Variants in DNAJB6 observed in about 807,000 individuals in gnomAD.
DNAJB6 encodes DnaJ heat shock protein family (Hsp40) member B6.
In DNAJB6, 16 loss-of-function variants were observed where a neutral mutation model predicts 42.7. The ratio of observed to expected loss-of-function variants is 0.37; its 90% CI spans 0.25 to 0.57. The LOEUF is 0.57. DNAJB6 is among the 20% of genes least tolerant of loss of function. The pLI is 0.74. For synonymous variants in DNAJB6, 170 were observed against 163.5 expected, an observed-to-expected ratio of 1.04 and a Z score of -0.30; for missense variants, 347 against 416.8, an observed-to-expected ratio of 0.83 and a Z score of 1.46.
chr7:157,374,243 G>A (rs1800360100), intron 5 of DNAJB6, among the ~76,000 whole-genome samples: 1 of 152,140 alleles, frequency 6.6e-6, no homozygotes, highest in African/African-American at 2.4e-5. Flanking sequence ...CTCGTGTTGA[G>A]ATGGAGCTGT....
At chr7:157,377,397 A>G (rs899142522) in intron 5 of DNAJB6, among the ~76,000 whole-genome samples, 4 of 152,244 alleles carry the variant, frequency 2.6e-5, no homozygotes, top group African/African-American at 9.6e-5. Flanking sequence ...ACCTCAGGAT[A>G]CAAAGTTAAG....
intron 5 of DNAJB6, among the ~76,000 whole-genome samples, chr7:157,371,564 A>G: frequency 6.6e-6 from 1 of 152,260 alleles, no homozygotes; most frequent in Admixed American, 6.5e-5. Context: ...GGCGGATTCT[A>G]ACACCAGCCT....
chr7:157,363,710 G>A lies in DNAJB6; in HGVS notation c.175+440G>A, dbSNP rs1201898154. On this transcript the variant is annotated intron_variant, in intron 3 of 9. Coordinates refer to ENST00000262177, the MANE Select transcript of DNAJB6 (RefSeq NM_058246.4). ...GGATGTCATTAGTTCCCAAAAAGAG[G>A]GGATGGAACATACAGCTAAAATTTA... Among the ~76,000 whole-genome samples the A allele has an allele frequency of 2.0e-5, 3 of 152,138 alleles. No individual in the cohort carries two copies. The East Asian group carries it at 5.8e-4, about 29-fold the overall frequency.
At position 157,337,369 on chromosome 7, in the gene DNAJB6, G is replaced by A. The variant is rs981163465; in HGVS notation, c.-27+225G>A. Among the ~76,000 whole-genome samples, 87 of 151,580 alleles carry A rather than the reference G, an allele frequency of 5.7e-4. 1 individual carries two copies. Among genetic ancestry groups the A allele is most frequent in the African/African-American group, 2.0e-3 (85 of 41,492 alleles). ...GCCGGGGCCGGGGCTGGGGTCTGGG[G>A]CCGCCCGGCCGCGTCCTCCCCGCCC... On this transcript the variant is annotated intron_variant, in intron 1 of 9. Transcript: ENST00000262177.
At chr7:157,407,054 C>T (rs1795796774) in intron 8 of DNAJB6, among the ~76,000 whole-genome samples, 2 of 152,216 alleles carry the variant, frequency 1.3e-5, no homozygotes, top group Admixed American at 6.5e-5. Context: ...CGCCCAGGGG[C>T]GCGTTTTCAC....
chr7:157,416,293 A>T lies in DNAJB6; in HGVS notation c.*195A>T. The T allele has an allele frequency of 1.3e-6, 1 of 787,700 alleles. No homozygotes were observed. Among genetic ancestry groups the T allele is most frequent in the Non-Finnish European group, 2.0e-6 (1 of 512,760 alleles). The allele number at this position is 787,700 out of a possible 1,614,324, so 48.8% of individuals were successfully genotyped here. On this transcript the variant is annotated 3_prime_UTR_variant, in exon 10 of 10. Coordinates refer to ENST00000262177, the MANE Select transcript of DNAJB6 (RefSeq NM_058246.4). ...GGCTGACGGCACGGGTGGCGGGGAC[A>T]GACGTTTGGGACTTGGCCGCGACTC... is the stretch of plus-strand genomic sequence containing the variant.
In DNAJB6 at chr7:157,356,229, C is replaced by T. The variant is rs1466627654; in HGVS notation, c.-26-2318C>T. ...CTGCTAGGTACTGCCACTGGCATCA[C>T]TGCCAAAATGCCACCTCAGATCGTT... On this transcript the variant is annotated intron_variant, in intron 1 of 9. Transcript: ENST00000262177. 2.6e-5 allele frequency among the ~76,000 whole-genome samples: 4 copies of T among 152,228 alleles called. No individual in the cohort carries two copies. In the East Asian group the frequency reaches 7.7e-4, roughly 29 times the overall value.
chr7:157,354,981 C>G (rs1033972684), intron 1 of DNAJB6, among the ~76,000 whole-genome samples: 4 of 152,218 alleles, frequency 2.6e-5, no homozygotes, highest in African/African-American at 7.2e-5. Context: ...GTGGCTGTGT[C>G]AAGTAGTCAT....
At chr7:157,365,687 A>G (rs1347882334) in intron 3 of DNAJB6, among the ~76,000 whole-genome samples, 1 of 152,114 alleles carries the variant, frequency 6.6e-6, no homozygotes, top group African/African-American at 2.4e-5. Context: ...TGCTTTTGAG[A>G]TGGAGTTTTG....
chr7:157,388,905 T>C (rs554377901), intron 8 of DNAJB6, among the ~76,000 whole-genome samples: 42 of 152,356 alleles, frequency 2.8e-4, no homozygotes, highest in African/African-American at 9.4e-4. Flanking sequence ...TTTAAGCTTT[T>C]TAGATTCCAA....
intron 9 of DNAJB6, chr7:157,415,664 G>T (rs1248539201): frequency 4.1e-6 from 1 of 244,546 alleles, no homozygotes; most frequent in Non-Finnish European, 8.1e-6. Context: ...AGGTCCCAGG[G>T]TGGGGTTCCA....
At position 157,358,561 on chromosome 7, in the gene DNAJB6, A is replaced by G. The variant is rs374915455; in HGVS notation, c.-12A>G. On this transcript the variant is annotated 5_prime_UTR_variant, in exon 2 of 10. Transcript: ENST00000262177. ...TTTACTTGCAGGACCCATTCCAACA[A>G]TCTCGTAAAACATGGTGGATTACTA... is the stretch of plus-strand genomic sequence containing the variant. 13 of 1,612,458 alleles carry G rather than the reference A, an allele frequency of 8.1e-6. No homozygotes were observed. Among genetic ancestry groups the G allele is most frequent in the Middle Eastern group, 3.4e-4 (2 of 5,904 alleles).
At chr7:157,356,381 G>T (rs188712652) in intron 1 of DNAJB6, among the ~76,000 whole-genome samples, 1 of 152,340 alleles carries the variant, frequency 6.6e-6, no homozygotes, top group East Asian at 1.9e-4. Flanking sequence ...TGCTGTGACT[G>T]ATGGGCAGGT....
chr7:157,393,079 T>C (rs1801423649), intron 8 of DNAJB6, among the ~76,000 whole-genome samples: 1 of 152,162 alleles, frequency 6.6e-6, no homozygotes. Flanking sequence ...GTTCAAGCGA[T>C]TCTCCTGCCT....
chr7:157,400,035 A>T (rs961830848), intron 8 of DNAJB6, among the ~76,000 whole-genome samples: 1 of 152,226 alleles, frequency 6.6e-6, no homozygotes, highest in Non-Finnish European at 1.5e-5. Context: ...GTTTTTGTTT[A>T]GTTGGGGAAA....
At chr7:157,377,905 A>G (rs148743403) in intron 5 of DNAJB6, among the ~76,000 whole-genome samples, 6 of 152,312 alleles carry the variant, frequency 3.9e-5, no homozygotes, top group South Asian at 2.1e-4. Context: ...ACGATCCACT[A>G]TCCCACAGAC....
intron 9 of DNAJB6, among the ~76,000 whole-genome samples, chr7:157,415,760 C>T (rs897164157): frequency 6.6e-6 from 1 of 152,192 alleles, no homozygotes; most frequent in Non-Finnish European, 1.5e-5. Context: ...GCTTTTAGCT[C>T]TGCCGCTGGG....
intron 9 of DNAJB6, chr7:157,413,399 G>T (rs1007058825): frequency 6.6e-6 from 1 of 152,216 alleles, no homozygotes; most frequent in African/African-American, 2.4e-5. Flanking sequence ...TGGAGCTCTC[G>T]GAACTGAAGA....
intron 4 of DNAJB6, among the ~76,000 whole-genome samples, chr7:157,367,157 C>T (rs572793633): frequency 3.8e-4 from 58 of 152,272 alleles, no homozygotes; most frequent in African/African-American, 1.3e-3. Flanking sequence ...AAAGTAGTGT[C>T]GAAGGGGCCA....
Sources: gnomAD v4.1 joint callset for allele counts (sites outside exome capture counted in the v4.1 genomes callset) on GRCh38, gnomAD v4.1.1 for gene constraint, MANE v1.5 for transcripts, NCBI Gene and HGNC (gene_info 2026-07-23, HGNC 2026-07-21) for gene names.